CTNNA3: variants seen among roughly 807,000 people sequenced by gnomAD.
CTNNA3 encodes catenin alpha-3.
In CTNNA3, 76 loss-of-function variants were observed where a neutral mutation model predicts 95.7. The ratio of observed to expected loss-of-function variants is 0.79; its 90% CI spans 0.66 to 0.96. The LOEUF is 0.96. CTNNA3 is among the 40% of genes least tolerant of loss of function. CTNNA3 has a pLI of 0.00. For synonymous variants in CTNNA3, 431 were observed against 374.4 expected (o/e 1.15, Z -1.74); for missense variants, 1,191 against 1,089.8 (o/e 1.09, Z -1.31).
chr10:66,936,604 G>T (rs1169440898), intron 7 of CTNNA3, among the ~76,000 whole-genome samples: 1 of 152,084 alleles, frequency 6.6e-6, no homozygotes, highest in African/African-American at 2.4e-5. Context: ...AAGTCACAGG[G>T]TCAGTTTCAT....
chr10:67,180,433 C>G lies in CTNNA3; in HGVS notation c.931G>C (p.Ala311Pro). 6.2e-7 allele frequency: 1 copy of G among 1,613,812 alleles called. No individual in the cohort carries two copies. Among genetic ancestry groups the G allele is most frequent in the Non-Finnish European group, 8.5e-7 (1 of 1,179,846 alleles). The part of the protein sequence containing the change: ...EKRLEAIISG[A>P]ALLADSSCTR... Reference sequence around the variant, plus strand: ...CATGAAGAATCCGCCAGCAGAGCAGCCCCACTGATAATGGCTTCAAGGCGT... The same window carrying G: ...CATGAAGAATCCGCCAGCAGAGCAGGCCCACTGATAATGGCTTCAAGGCGT... Residue 311 changes from alanine to proline, a missense_variant, in exon 7 of 18, where the codon GCT becomes CCT. Coordinates refer to ENST00000433211, the MANE Select transcript of CTNNA3 (RefSeq NM_013266.4).
At chr10:67,726,473 AT>A (rs1841223230) in intron 1 of CTNNA3, among the ~76,000 whole-genome samples, 1 of 62,344 alleles carries the variant, frequency 1.6e-5, no homozygotes, top group African/African-American at 7.0e-5. Flanking sequence ...ATGATATAAT[AT>A]TATATATTAT....
intron 5 of CTNNA3, among the ~76,000 whole-genome samples, chr10:67,340,259 A>T (rs1408205348): frequency 2.0e-5 from 3 of 152,178 alleles, no homozygotes; most frequent in Non-Finnish European, 4.4e-5. Flanking sequence ...TGTTTAAATA[A>T]TATTACCAGA....
chr10:67,029,110 C>T (rs912883386), intron 7 of CTNNA3, among the ~76,000 whole-genome samples: 1 of 152,178 alleles, frequency 6.6e-6, no homozygotes, highest in Non-Finnish European at 1.5e-5. Context: ...GCTGATCTTT[C>T]TTTATGTCTC....
chr10:66,847,798 T>C (rs746740986), intron 7 of CTNNA3, among the ~76,000 whole-genome samples: 19 of 152,118 alleles, frequency 1.2e-4, no homozygotes, highest in Admixed American at 2.6e-4. Context: ...GTAAAACAAT[T>C]AGAGAATAAT....
At chr10:67,363,606 T>G (rs1843084122) in intron 5 of CTNNA3, among the ~76,000 whole-genome samples, 1 of 151,262 alleles carries the variant, frequency 6.6e-6, no homozygotes. Context: ...GAAGAACAAA[T>G]AGATGCAATA....
chr10:67,617,799 A>G (rs1050239256), intron 2 of CTNNA3, among the ~76,000 whole-genome samples: 3 of 147,272 alleles, frequency 2.0e-5, no homozygotes, highest in Admixed American at 2.0e-4. Context: ...AATAATAGCT[A>G]TTCTAACTGG....
chr10:66,644,439 C>T (rs1277355625), intron 9 of CTNNA3, among the ~76,000 whole-genome samples: 1 of 144,146 alleles, frequency 6.9e-6, no homozygotes, highest in Non-Finnish European at 1.5e-5. Flanking sequence ...TCCAAACCCC[C>T]AGATCCCCCC....
chr10:67,300,502 A>G (rs1426824418), intron 5 of CTNNA3, among the ~76,000 whole-genome samples: 2 of 152,170 alleles, frequency 1.3e-5, no homozygotes, highest in African/African-American at 4.8e-5. Flanking sequence ...TACGGTTAGG[A>G]GTTGGCTGAT....
chr10:67,387,202 C>T (rs898171159), intron 5 of CTNNA3, among the ~76,000 whole-genome samples: 3 of 152,154 alleles, frequency 2.0e-5, no homozygotes, highest in African/African-American at 7.2e-5. Context: ...TGGGTGCGCG[C>T]ACCGTGCACC....
intron 5 of CTNNA3, among the ~76,000 whole-genome samples, chr10:67,431,733 G>C (rs1846118662): frequency 6.6e-6 from 1 of 151,722 alleles, no homozygotes; most frequent in African/African-American, 2.4e-5. Context: ...AGAGACACAG[G>C]GTTAGAAGTG....
chr10:66,342,074 T>C (rs1452157778), intron 12 of CTNNA3, among the ~76,000 whole-genome samples: 3 of 151,992 alleles, frequency 2.0e-5, no homozygotes, highest in Non-Finnish European at 4.4e-5. Context: ...CAGATTTCAA[T>C]ATTCTAATTC....
At chr10:67,406,587 G>A (rs921069011) in intron 5 of CTNNA3, among the ~76,000 whole-genome samples, 3 of 151,646 alleles carry the variant, frequency 2.0e-5, no homozygotes, top group African/African-American at 7.3e-5. Flanking sequence ...CTAAACTAAA[G>A]GAGATAGAAA....
intron 3 of CTNNA3, among the ~76,000 whole-genome samples, chr10:67,589,851 T>G (rs1589460834): frequency 6.6e-6 from 1 of 152,274 alleles, no homozygotes; most frequent in South Asian, 2.1e-4. Context: ...TAAATTTGAC[T>G]GACAAATCTT....
At chr10:66,173,057 AGGT>A (rs1230034695) in intron 13 of CTNNA3, among the ~76,000 whole-genome samples, 2 of 152,178 alleles carry the variant, frequency 1.3e-5, no homozygotes, top group Non-Finnish European at 2.9e-5. Context: ...GGAAATTCAG[AGGT>A]GGTTGTGAGA....
chr10:67,304,535 T>C (rs964112899), intron 5 of CTNNA3, among the ~76,000 whole-genome samples: 2 of 152,198 alleles, frequency 1.3e-5, no homozygotes, highest in Non-Finnish European at 2.9e-5. Context: ...AAATGTGTCC[T>C]GCAAATTTAC....
intron 13 of CTNNA3, among the ~76,000 whole-genome samples, chr10:66,125,574 C>T (rs892262746): frequency 1.9e-4 from 29 of 152,038 alleles, no homozygotes; most frequent in Middle Eastern, 3.2e-3. Context: ...TCATAGAAAA[C>T]AGAAATACTA....
At chr10:67,181,657 G>A (rs1235209990) in intron 6 of CTNNA3, among the ~76,000 whole-genome samples, 3 of 151,954 alleles carry the variant, frequency 2.0e-5, no homozygotes, top group Non-Finnish European at 4.4e-5. Flanking sequence ...GTTTAAGTAT[G>A]TAAATAAGTA....
intron 10 of CTNNA3, among the ~76,000 whole-genome samples, chr10:66,527,772 TTG>T (rs1367019250): frequency 1.3e-5 from 2 of 152,142 alleles, no homozygotes; most frequent in Non-Finnish European, 2.9e-5. Flanking sequence ...ACACTGATTT[TTG>T]TGTGTTGATT....
Sources: gnomAD v4.1 joint callset for allele counts (sites outside exome capture counted in the v4.1 genomes callset) on GRCh38, gnomAD v4.1.1 for gene constraint, MANE v1.5 for transcripts, NCBI Gene and HGNC (gene_info 2026-07-23, HGNC 2026-07-21) for gene names.